Variants in ZFHX3 observed in about 807,000 individuals in gnomAD.
ZFHX3 encodes zinc finger homeobox protein 3.
In ZFHX3, 42 loss-of-function variants were observed where a neutral mutation model predicts 279.1. The observed-to-expected ratio is 0.15, with a 90% confidence interval of 0.12 to 0.19. The LOEUF (loss-of-function observed/expected upper bound fraction) is 0.19, where lower values mean the gene tolerates loss of function less well. ZFHX3 is among the 10% of genes least tolerant of loss of function. The probability of loss-of-function intolerance (pLI) is 1.00; values close to 1 mark genes in which losing one functional copy is unlikely to be tolerated. For synonymous variants in ZFHX3, 2,293 were observed against 1,957.8 expected (o/e 1.17, Z -4.52); for missense variants, 4,981 against 4,754.0 (o/e 1.05, Z -1.40).
intron 2 of ZFHX3, among the ~76,000 whole-genome samples, chr16:73,532,009 G>T (rs149949687): frequency 0.018 from 2,675 of 152,026 alleles, 71 homozygotes; most frequent in African/African-American, 0.061. Flanking sequence ...AATGGCCTGA[G>T]CCCATGAGTT....
chr16:72,959,630 G>A lies in ZFHX3; in HGVS notation c.516C>T (p.Asn172=), dbSNP rs754733998. 6 of 1,613,986 alleles carry A rather than the reference G, an allele frequency of 3.7e-6. No individual in the cohort carries two copies. In the African/African-American group the frequency reaches 4.0e-5, roughly 11 times the overall value. Residue 172 remains asparagine (N), a synonymous_variant, in exon 2 of 10, where the codon AAC becomes AAT. Transcript: ENST00000268489. ...GSGPLPSLFL[N]SLPGAGGKQG... Reference sequence around the variant, plus strand: ...GCTTGCCCCCCGCGCCAGGGAGAGAGTTCAGGAAAAGCGAGGGGAGAGGCC... The same window carrying A: ...GCTTGCCCCCCGCGCCAGGGAGAGAATTCAGGAAAAGCGAGGGGAGAGGCC...
chr16:73,399,638 C>T (rs930869716), intron 3 of ZFHX3, among the ~76,000 whole-genome samples: 23 of 152,270 alleles, frequency 1.5e-4, no homozygotes, highest in Non-Finnish European at 2.9e-4. Context: ...TCCCTGCACG[C>T]TTGAGTGGGC....
chr16:73,218,815 T>A (rs1380006240), intron 5 of ZFHX3, among the ~76,000 whole-genome samples: 1 of 152,126 alleles, frequency 6.6e-6, no homozygotes, highest in African/African-American at 2.4e-5. Context: ...ATGAAATTTA[T>A]CATTATAATC....
intron 4 of ZFHX3, among the ~76,000 whole-genome samples, chr16:73,285,428 G>A (rs987598494): frequency 6.6e-6 from 1 of 152,164 alleles, no homozygotes; most frequent in East Asian, 1.9e-4. Context: ...AAAGGGTGTC[G>A]TCAGCTGACA....
chr16:73,266,931 C>A (rs529802334), intron 4 of ZFHX3, among the ~76,000 whole-genome samples: 1 of 152,284 alleles, frequency 6.6e-6, no homozygotes, highest in African/African-American at 2.4e-5. Context: ...ATGTCTTTAT[C>A]AGCAGCATGA....
In ZFHX3 at chr16:72,788,819, C is replaced by A; in HGVS notation, c.9457G>T (p.Gly3153Cys). Residue 3153 changes from glycine to cysteine, a missense_variant, in exon 10 of 10, where the codon GGT becomes TGT. Gly to Cys is a radical substitution (Grantham distance 159). This residue lies in a region of ZFHX3 where 1,034 missense variants were observed against 786.0 expected (regional missense o/e 1.32). Transcript: ENST00000268489. ...GAAGGAACAGTTGTGCTGGGCAGACCCATCAAGTTCGGCTTAGGAGACGTT... is the reference window on the plus strand; with the variant it reads ...GAAGGAACAGTTGTGCTGGGCAGACACATCAAGTTCGGCTTAGGAGACGTT... ...ALTSPKPNLM[G>C]LPSTTVPSPG... 6.6e-7 allele frequency: 1 copy of A among 1,524,038 alleles called. No individual in the cohort carries two copies. Among genetic ancestry groups the A allele is most frequent in the Non-Finnish European group, 8.8e-7 (1 of 1,139,272 alleles). The allele number at this position is 1,524,038 out of a possible 1,614,324, so 94.4% of individuals were successfully genotyped here.
intron 7 of ZFHX3, among the ~76,000 whole-genome samples, chr16:72,805,071 G>A (rs1256368928): frequency 7.2e-5 from 11 of 152,088 alleles, no homozygotes; most frequent in African/African-American, 1.2e-4. Context: ...TCCGCCTCCC[G>A]GGTTCAAGTG....
At chr16:73,105,456 TA>T (rs201496222) in intron 7 of ZFHX3, among the ~76,000 whole-genome samples, 25 of 73,502 alleles carry the variant, frequency 3.4e-4, no homozygotes, top group South Asian at 9.3e-4. Context: ...TATATATATA[TA>T]TTTTTTCCCC....
intron 5 of ZFHX3, among the ~76,000 whole-genome samples, chr16:73,191,456 G>T (rs1237743268): frequency 6.6e-6 from 1 of 152,088 alleles, no homozygotes; most frequent in South Asian, 2.1e-4. Context: ...AATGAGTCCC[G>T]GGGGTACAAC....
At chr16:73,275,642 A>G (rs2014275637) in intron 4 of ZFHX3, among the ~76,000 whole-genome samples, 1 of 152,216 alleles carries the variant, frequency 6.6e-6, no homozygotes, top group Non-Finnish European at 1.5e-5. Flanking sequence ...CTGCATAGAA[A>G]GGTTAATGTT....
chr16:73,285,357 A>G (rs2014568437), intron 4 of ZFHX3, among the ~76,000 whole-genome samples: 1 of 152,206 alleles, frequency 6.6e-6, no homozygotes, highest in Non-Finnish European at 1.5e-5. Flanking sequence ...GACCATTACT[A>G]CCTAACACCA....
intron 4 of ZFHX3, among the ~76,000 whole-genome samples, chr16:73,269,716 A>C (rs1185229083): frequency 6.6e-6 from 1 of 151,502 alleles, no homozygotes; most frequent in Non-Finnish European, 1.5e-5. Flanking sequence ...TTAACTTTAC[A>C]AGAAACTTCC....
At chr16:73,520,657 T>C (rs143585336) in intron 2 of ZFHX3, among the ~76,000 whole-genome samples, 5 of 152,334 alleles carry the variant, frequency 3.3e-5, no homozygotes, top group South Asian at 2.1e-4. Context: ...CAAGCATACA[T>C]AGTAGACATA....
At chr16:73,498,558 A>G (rs2019180731) in intron 2 of ZFHX3, among the ~76,000 whole-genome samples, 1 of 152,270 alleles carries the variant, frequency 6.6e-6, no homozygotes, top group Admixed American at 6.5e-5. Flanking sequence ...CGATAGCAAC[A>G]GCATCTTTTT....
rs965531671 is a variant in ZFHX3 at position 73,204,141 on chromosome 16, T to C, written c.-1104+52906A>G. Among the ~76,000 whole-genome samples the C allele has an allele frequency of 9.9e-5, 15 of 152,110 alleles. No individual in the cohort carries two copies. In the East Asian group the frequency reaches 2.9e-3, roughly 29 times the overall value. On this transcript the variant is annotated intron_variant, in intron 5 of 17. Coordinates refer to the ZFHX3 transcript ENST00000641206. ...CCACTGCAGTGGTCCCCAACTTTTT[T>C]GGCATCAGGGACTGGTTTCATGAAA...
intron 3 of ZFHX3, among the ~76,000 whole-genome samples, chr16:73,413,992 T>A (rs776284485): frequency 6.6e-6 from 1 of 152,222 alleles, no homozygotes; most frequent in Non-Finnish European, 1.5e-5. Context: ...CCCATACAAA[T>A]GATCAAAGGC....
At chr16:73,806,161 G>T (rs1348783206) in intron 1 of ZFHX3, among the ~76,000 whole-genome samples, 1 of 152,168 alleles carries the variant, frequency 6.6e-6, no homozygotes, top group Admixed American at 6.6e-5. Context: ...GGCAGAAATT[G>T]CCCCAGTGAT....
intron 2 of ZFHX3, among the ~76,000 whole-genome samples, chr16:73,518,518 G>T (rs1485582654): frequency 6.6e-6 from 1 of 152,148 alleles, no homozygotes; most frequent in African/African-American, 2.4e-5. Flanking sequence ...AGATGTGTCA[G>T]TCCAAACCTC....
At chr16:73,776,278 T>C (rs1232815068) in intron 1 of ZFHX3, among the ~76,000 whole-genome samples, 2 of 152,130 alleles carry the variant, frequency 1.3e-5, no homozygotes, top group Admixed American at 6.6e-5. Context: ...GCTTAAATTG[T>C]TAGGGTCCCG....
Sources: gnomAD v4.1 joint callset for allele counts (sites outside exome capture counted in the v4.1 genomes callset) on GRCh38, gnomAD v4.1.1 for gene constraint, gnomAD v4.1.1 regional missense constraint, MANE v1.5 for transcripts, NCBI Gene and HGNC (gene_info 2026-07-23, HGNC 2026-07-21) for gene names.